The following RHAG variants were observed in gnomAD, a reference collection of about 807,000 sequenced individuals.
RHAG encodes ammonium transporter Rh type A.
RHAG carries 25 observed loss-of-function variants against 42.4 expected under a neutral mutation model. The observed-to-expected ratio is 0.59, with a 90% confidence interval of 0.43 to 0.82. RHAG has a LOEUF of 0.82. Among genes scored for constraint, RHAG ranks in the 40% least tolerant of loss-of-function variants. The pLI is 0.00. For synonymous variants in RHAG, 182 were observed against 177.7 expected (o/e 1.02, Z -0.19); for missense variants, 483 against 504.6 (o/e 0.96, Z 0.41).
At chr6:49,614,960 A>G in intron 4 of RHAG, 107 bp from the exon 5 acceptor site, 1 of 1,090,766 alleles carries the variant, frequency 9.2e-7, no homozygotes, top group South Asian at 1.4e-5. Context: ...TTATTTATTT[A>G]TTTTTGAGAT....
At position 49,612,031 on chromosome 6, in the gene RHAG, G is replaced by A. The variant is rs1762577369; in HGVS notation, c.945+366C>T. On this transcript the variant is annotated intron_variant, in intron 6 of 9. Transcript: ENST00000371175. ...CCCAAAGTGCTGGGATTATAGCTGTGAGCCACCATGCTTGGCCGACATCCT... is the reference window on the plus strand; with the variant it reads ...CCCAAAGTGCTGGGATTATAGCTGTAAGCCACCATGCTTGGCCGACATCCT... Among the ~76,000 whole-genome samples, 3 of 151,886 alleles carry A rather than the reference G, an allele frequency of 2.0e-5. No individual in the cohort carries two copies. The South Asian group carries it at 6.2e-4, about 32-fold the overall frequency.
chr6:49,628,429 G>A (rs1762876345), intron 1 of RHAG, among the ~76,000 whole-genome samples: 1 of 152,166 alleles, frequency 6.6e-6, no homozygotes, highest in African/African-American at 2.4e-5. Flanking sequence ...TCCGGAATTG[G>A]TGGGTTCTTG....
In RHAG at chr6:49,618,131, G is replaced by C. The variant is rs369258090; in HGVS notation, c.429C>G (p.Ile143Met). The change falls in exon 3 of 10, where the codon ATC becomes ATG. Residue 143 changes from isoleucine (I) to methionine (M), a missense_variant. By Grantham distance (10) the Ile-to-Met change is conservative (BLOSUM62 1). Coordinates refer to ENST00000371175, the MANE Select transcript of RHAG (RefSeq NM_000324.3). ...AGAAAACAATTTCTAAAATTGTCAT[G>C]ATCAGCATTTGGGTGGGGCTCGTTT... is the stretch of plus-strand genomic sequence containing the variant. ...LGKTSPTQML[I>M]MTILEIVFFA... 1 of 1,613,868 alleles carries C rather than the reference G, an allele frequency of 6.2e-7. No individual in the cohort carries two copies. The highest frequency in any genetic ancestry group is 8.5e-7 in the Non-Finnish European group (1 of 1,179,904).
intron 1 of RHAG, among the ~76,000 whole-genome samples, chr6:49,635,039 C>A (rs940903173): frequency 1.3e-5 from 2 of 149,896 alleles, no homozygotes; most frequent in Admixed American, 6.8e-5. Flanking sequence ...TAAATTGAAG[C>A]AATATCCACT....
At chr6:49,628,414 G>A (rs1251481800) in intron 1 of RHAG, among the ~76,000 whole-genome samples, 1 of 152,188 alleles carries the variant, frequency 6.6e-6, no homozygotes, top group African/African-American at 2.4e-5. Flanking sequence ...CAAAGTGCAG[G>A]TGTGTCCGGA....
Position 49,605,646 on chromosome 6 carries a change from G to T in RHAG, c.*167C>A. 1.4e-6 allele frequency: 1 copy of T among 730,554 alleles called. No individual in the cohort carries two copies. The allele number at this position is 730,554 out of a possible 1,614,324, so 45.3% of individuals were successfully genotyped here. On this transcript the variant is annotated 3_prime_UTR_variant, in exon 10 of 10. Coordinates refer to ENST00000371175, the MANE Select transcript of RHAG (RefSeq NM_000324.3). ...GGACATTTTTACACTGGCCATTTGG[G>T]ACTTAGGATCTATTCACTCTGGTCC...
chr6:49,620,779 C>T (rs1330260437), intron 1 of RHAG, among the ~76,000 whole-genome samples: 2 of 152,178 alleles, frequency 1.3e-5, no homozygotes, highest in African/African-American at 4.8e-5. Flanking sequence ...GATCTGCCCA[C>T]CTCGGCCTCC....
At chr6:49,625,569 C>A (rs1208429505) in intron 1 of RHAG, among the ~76,000 whole-genome samples, 1 of 152,130 alleles carries the variant, frequency 6.6e-6, no homozygotes, top group Non-Finnish European at 1.5e-5. Flanking sequence ...AGGTTGGTAA[C>A]CAGAACCTGA....
chr6:49,608,568 G>C (rs902228837), intron 7 of RHAG, among the ~76,000 whole-genome samples: 2 of 152,006 alleles, frequency 1.3e-5, no homozygotes, highest in African/African-American at 2.4e-5. Flanking sequence ...GTAGAGATGG[G>C]GTTTCACCAT....
chr6:49,623,947 G>C (rs1390171098), intron 1 of RHAG, among the ~76,000 whole-genome samples: 1 of 152,094 alleles, frequency 6.6e-6, no homozygotes, highest in Non-Finnish European at 1.5e-5. Context: ...GATAGCAGCG[G>C]GGAGGGAACC....
chr6:49,610,598 G>T (rs1029355605), intron 7 of RHAG, among the ~76,000 whole-genome samples: 1 of 152,152 alleles, frequency 6.6e-6, no homozygotes, highest in Non-Finnish European at 1.5e-5. Context: ...CAGTGTTGTT[G>T]ATTCTGCAGA....
Position 49,616,563 on chromosome 6 carries a change from C to T in RHAG, c.493-792G>A, listed in dbSNP as rs985435316. Among the ~76,000 whole-genome samples, 4 of 152,030 alleles carry T rather than the reference C, an allele frequency of 2.6e-5. No homozygotes were observed. The South Asian group carries it at 6.2e-4, about 24-fold the overall frequency. Reference sequence around the variant, plus strand: ...GATTCACTTCAAGAGATTTAGATTCCTCTTTAGGATATGATGTGGTTTTGA... The same window carrying T: ...GATTCACTTCAAGAGATTTAGATTCTTCTTTAGGATATGATGTGGTTTTGA... On this transcript the variant is annotated intron_variant, in intron 3 of 9. Transcript: ENST00000371175.
At position 49,605,687 on chromosome 6, in the gene RHAG, A is replaced by T; in HGVS notation, c.*126T>A. 1 of 893,504 alleles carries T rather than the reference A, an allele frequency of 1.1e-6. No individual in the cohort carries two copies. The highest frequency in any genetic ancestry group is 1.3e-5 in the South Asian group (1 of 76,006). 55.3% of individuals were successfully genotyped at this position (893,504 alleles called of 1,614,324 possible). A position where few individuals can be genotyped will look rare whatever the true frequency, so the allele number is the denominator to read the frequency against. Reference sequence around the variant, plus strand: ...ACTCTGGTCCATACTCTCTTTGGTTACTCCCTTTTTGTTTATTTGGACTTG... The same window carrying T: ...ACTCTGGTCCATACTCTCTTTGGTTTCTCCCTTTTTGTTTATTTGGACTTG... On this transcript the variant is annotated 3_prime_UTR_variant, in exon 10 of 10. Coordinates refer to ENST00000371175, the MANE Select transcript of RHAG (RefSeq NM_000324.3).
chr6:49,606,166 A>G (rs922725940), intron 9 of RHAG, among the ~76,000 whole-genome samples: 11 of 152,194 alleles, frequency 7.2e-5, no homozygotes, highest in Admixed American at 3.3e-4. Context: ...TTCGTTATTC[A>G]TAGGACCTCT....
intron 1 of RHAG, among the ~76,000 whole-genome samples, chr6:49,628,902 G>T (rs1029159305): frequency 6.6e-6 from 1 of 152,156 alleles, no homozygotes; most frequent in Admixed American, 6.5e-5. Context: ...AAAGAACAAA[G>T]CTTCCACATT....
chr6:49,612,203 T>C (rs1237025254), intron 6 of RHAG, among the ~76,000 whole-genome samples, 194 bp downstream of exon 6: 1 of 152,220 alleles, frequency 6.6e-6, no homozygotes, highest in Non-Finnish European at 1.5e-5. Flanking sequence ...GATTCTTTCC[T>C]GTTACACAGA....
At chr6:49,628,748 C>T (rs1762884349) in intron 1 of RHAG, among the ~76,000 whole-genome samples, 3 of 151,190 alleles carry the variant, frequency 2.0e-5, no homozygotes, top group African/African-American at 7.3e-5. Flanking sequence ...GGTGGCGCGT[C>T]TCGAGTTGTT....
chr6:49,609,513 A>G (rs1762532769), intron 7 of RHAG, among the ~76,000 whole-genome samples: 1 of 152,214 alleles, frequency 6.6e-6, no homozygotes, highest in Non-Finnish European at 1.5e-5. Flanking sequence ...ACAGGCTTTT[A>G]TCATGCTTAA....
intron 5 of RHAG, 57 bp from the exon 6 acceptor site, chr6:49,612,591 G>A: frequency 1.2e-6 from 2 of 1,601,480 alleles, no homozygotes; most frequent in Non-Finnish European, 1.7e-6. Flanking sequence ...AATTCAGAAG[G>A]ATCAGAGGAT....
Sources: allele counts gnomAD v4.1 joint callset (sites outside exome capture counted in the v4.1 genomes callset), GRCh38; gene constraint gnomAD v4.1.1; transcripts MANE v1.5; gene names NCBI Gene and HGNC (gene_info 2026-07-23, HGNC 2026-07-21).